Variants in HYAL4 observed in about 807,000 individuals in gnomAD.
The protein encoded by HYAL4 is hyaluronidase 4, also known as hyaluronidase-4.
In HYAL4, 37 loss-of-function variants were observed where a neutral mutation model predicts 35.2. The observed-to-expected ratio is 1.05, with a 90% CI of 0.81 to 1.38. The LOEUF is 1.38. HYAL4 is among the 40% of genes most tolerant of loss of function. HYAL4 has a pLI of 0.00. For synonymous variants in HYAL4, 198 were observed against 203.2 expected (o/e 0.97, Z 0.22); for missense variants, 572 against 572.4 (o/e 1.00, Z 0.01).
chr7:123,862,030 G>A (rs1304516300), intron 2 of HYAL4, among the ~76,000 whole-genome samples: 2 of 152,076 alleles, frequency 1.3e-5, no homozygotes, highest in African/African-American at 4.8e-5. Context: ...GCAGAGCATT[G>A]ATGTTTCAAA....
chr7:123,815,118 A>T, the HYAL4 span: 1 of 152,600 alleles, frequency 6.6e-6, no homozygotes, highest in African/African-American at 2.4e-5. Context: ...ATGTTTTAGG[A>T]TATTTATTTT....
At chr7:123,857,661 C>CTTTGTTTCTTTCTTTG (rs1554419630) in intron 2 of HYAL4, among the ~76,000 whole-genome samples, 16 of 88,326 alleles carry the variant, frequency 1.8e-4, no homozygotes, top group African/African-American at 5.5e-4. Flanking sequence ...TTGTTTCTTT[C>CTTTGTTTCTTTCTTTG]TTTGTTTGTT....
chr7:123,779,329 T>C, the HYAL4 span, among the ~76,000 whole-genome samples: 2 of 152,064 alleles, frequency 1.3e-5, no homozygotes, highest in East Asian at 1.9e-4. Flanking sequence ...ATATGAGTGC[T>C]ACAACCTAAC....
At chr7:123,834,131 G>T (rs139539741) in intron 1 of HYAL4, among the ~76,000 whole-genome samples, 100 of 152,166 alleles carry the variant, frequency 6.6e-4, no homozygotes, top group African/African-American at 2.3e-3. Flanking sequence ...AATCATGGTG[G>T]TATTTTGATA....
At chr7:123,854,404 A>G (rs1345310179) in intron 2 of HYAL4, among the ~76,000 whole-genome samples, 1 of 152,206 alleles carries the variant, frequency 6.6e-6, no homozygotes, top group East Asian at 1.9e-4. Context: ...TGTGTCCCAG[A>G]GATCTGGTAC....
intron 2 of HYAL4, among the ~76,000 whole-genome samples, chr7:123,864,109 A>G (rs933188598): frequency 2.0e-5 from 3 of 152,170 alleles, no homozygotes; most frequent in Admixed American, 1.3e-4. Flanking sequence ...GTCTCTGGTC[A>G]GGGTAAGAAG....
chr7:123,811,693 T>A, the HYAL4 span, among the ~76,000 whole-genome samples: 4 of 152,162 alleles, frequency 2.6e-5, no homozygotes, highest in Non-Finnish European at 5.9e-5. Context: ...ATCCAGTTTG[T>A]CAACTATTTC....
the HYAL4 span, among the ~76,000 whole-genome samples, chr7:123,805,621 C>T: frequency 6.6e-6 from 1 of 151,456 alleles, no homozygotes; most frequent in South Asian, 2.1e-4. Context: ...ATGATGGAGG[C>T]AGTAGATAAA....
intron 2 of HYAL4, among the ~76,000 whole-genome samples, chr7:123,866,470 G>A (rs1806688902): frequency 6.6e-6 from 1 of 152,124 alleles, no homozygotes; most frequent in African/African-American, 2.4e-5. Flanking sequence ...TGAAATATGG[G>A]CTTTGCCTTC....
the HYAL4 span, among the ~76,000 whole-genome samples, chr7:123,805,392 T>G: frequency 6.6e-6 from 1 of 152,216 alleles, no homozygotes; most frequent in Non-Finnish European, 1.5e-5. Flanking sequence ...AAGGAAGGTA[T>G]AAATGGAATT....
At chr7:123,824,566 C>G (rs555219293), upstream of HYAL4, among the ~76,000 whole-genome samples, 8 of 152,258 alleles carry the variant, frequency 5.3e-5, no homozygotes, top group African/African-American at 1.9e-4. Context: ...CTTCTCCCCA[C>G]AACTCTCACC....
chr7:123,851,721 A>G (rs1806309450), intron 2 of HYAL4, among the ~76,000 whole-genome samples: 1 of 152,134 alleles, frequency 6.6e-6, no homozygotes, highest in African/African-American at 2.4e-5. Flanking sequence ...GTGTCTTTAT[A>G]GTAGAATGAT....
Position 123,874,778 on chromosome 7 carries a change from C to A in HYAL4, c.972C>A (p.Thr324=). Residue 324 remains threonine (T), a synonymous_variant, in exon 4 of 5, where the codon ACC becomes ACA. Coordinates refer to ENST00000223026, the MANE Select transcript of HYAL4 (RefSeq NM_012269.3). ...CAATCTAGCAAGATCTAGTCAGCAC[C>A]ATAGGAGAAAGTGCTGCCTTGGGAG... ...FFLSKQDLVS[T]IGESAALGAA... 6.2e-7 allele frequency: 1 copy of A among 1,601,600 alleles called. No individual in the cohort carries two copies. Among genetic ancestry groups the A allele is most frequent in the South Asian group, 1.1e-5 (1 of 90,860 alleles).
At chr7:123,829,291 G>A (rs921442067) in intron 1 of HYAL4, 5 of 152,118 alleles carry the variant, frequency 3.3e-5, no homozygotes, top group Admixed American at 3.3e-4. Flanking sequence ...TGATGAATAA[G>A]GCTCCTACTA....
At chr7:123,847,189 C>T (rs1406233372) in intron 1 of HYAL4, among the ~76,000 whole-genome samples, 2 of 152,198 alleles carry the variant, frequency 1.3e-5, no homozygotes, top group Admixed American at 6.5e-5. Flanking sequence ...TAACTTTCTA[C>T]TATGGTTTTT....
chr7:123,819,224 A>G, the HYAL4 span: 1 of 152,612 alleles, frequency 6.6e-6, no homozygotes, highest in Non-Finnish European at 1.5e-5. Flanking sequence ...TTTTGGAAAC[A>G]AAGATATCAT....
chr7:123,869,047 A>G lies in HYAL4; in HGVS notation c.774A>G (p.Leu258=). 6.2e-7 allele frequency: 1 copy of G among 1,614,206 alleles called. No individual in the cohort carries two copies. Among genetic ancestry groups the G allele is most frequent in the South Asian group, 1.1e-5 (1 of 91,082 alleles). ...GGCTCTGGAACAGCAGTGCTGCTTT[A>G]TATCCTTCTATCGGTGTCTGGAAAT... ...LSWLWNSSAA[L]YPSIGVWKSL... Residue 258 remains leucine (L), a synonymous_variant, in exon 3 of 5, where the codon TTA becomes TTG. Transcript: ENST00000223026.
At chr7:123,773,925 T>A in the HYAL4 span, among the ~76,000 whole-genome samples, 2 of 152,314 alleles carry the variant, frequency 1.3e-5, no homozygotes, top group Admixed American at 1.3e-4. Flanking sequence ...CAAACATTTG[T>A]TTTACACTCT....
the HYAL4 span, among the ~76,000 whole-genome samples, chr7:123,815,207 T>G: frequency 6.6e-6 from 1 of 152,202 alleles, no homozygotes. Flanking sequence ...AAAATGTCAC[T>G]GACAATTAGA....
Sources: gnomAD v4.1 joint callset for allele counts (sites outside exome capture counted in the v4.1 genomes callset) on GRCh38, gnomAD v4.1.1 for gene constraint, MANE v1.5 for transcripts, NCBI Gene and HGNC (gene_info 2026-07-23, HGNC 2026-07-21) for gene names.